ZBTB7C: variants seen among roughly 807,000 people sequenced by gnomAD.
ZBTB7C encodes zinc finger and BTB domain-containing protein 7C.
Under a neutral mutation model 25.7 loss-of-function variants are expected in ZBTB7C, and 8 were observed. The ratio of observed to expected loss-of-function variants is 0.31; its 90% CI spans 0.18 to 0.56. ZBTB7C has a LOEUF of 0.56. ZBTB7C is among the 20% of genes least tolerant of loss of function. The pLI is 0.91. For synonymous variants in ZBTB7C, 394 were observed against 369.0 expected, an observed-to-expected ratio of 1.07 and a Z score of -0.78; for missense variants, 824 against 855.2, an observed-to-expected ratio of 0.96 and a Z score of 0.46.
At chr18:48,126,004 G>A (rs1391904265) in intron 3 of ZBTB7C, among the ~76,000 whole-genome samples, 1 of 152,234 alleles carries the variant, frequency 6.6e-6, no homozygotes. Flanking sequence ...GCACCGTGCA[G>A]TCAGGCTCCC....
chr18:48,053,038 C>T (rs146920212), intron 3 of ZBTB7C, among the ~76,000 whole-genome samples: 174 of 152,254 alleles, frequency 1.1e-3, no homozygotes, highest in African/African-American at 4.1e-3. Context: ...TGTGAACACA[C>T]GTTGGACTTT....
intron 1 of ZBTB7C, among the ~76,000 whole-genome samples, chr18:48,389,249 G>GTA: frequency 6.9e-6 from 1 of 144,608 alleles, no homozygotes. Context: ...GTGTGTGTGT[G>GTA]TGTGTGTGTG....
chr18:48,028,997 A>C lies in ZBTB7C; in HGVS notation c.*263T>G. 2.1e-6 allele frequency: 1 copy of C among 474,596 alleles called. No homozygotes were observed. Among genetic ancestry groups the C allele is most frequent in the Non-Finnish European group, 3.6e-6 (1 of 276,408 alleles). The allele number at this position is 474,596 out of a possible 1,614,324, so 29.4% of individuals were successfully genotyped here. A position where few individuals can be genotyped will look rare whatever the true frequency, so the allele number is the denominator to read the frequency against. ...AGTTCTTTGTGGCATGGGCCGGTGCAAGTTTCTATATGAGAGCCAGAGAGA... is the reference window on the plus strand; with the variant it reads ...AGTTCTTTGTGGCATGGGCCGGTGCCAGTTTCTATATGAGAGCCAGAGAGA... On this transcript the variant is annotated 3_prime_UTR_variant, in exon 5 of 5. Coordinates refer to ENST00000590800, the MANE Select transcript of ZBTB7C (RefSeq NM_001318841.2).
rs981263085 is a variant in ZBTB7C at position 48,231,852 on chromosome 18, T to C, written c.-78-45857A>G. ...CTCTGCGGTTCCAGGCACCACCAAG[T>C]TCCCCAGTGCCAGCCATGTAAGCTT... On this transcript the variant is annotated intron_variant, in intron 2 of 4. Coordinates refer to ENST00000590800, the MANE Select transcript of ZBTB7C (RefSeq NM_001318841.2). 1.6e-3 allele frequency among the ~76,000 whole-genome samples: 249 copies of C among 152,282 alleles called. 2 individuals are homozygous for C. Among genetic ancestry groups the C allele is most frequent in the Non-Finnish European group, 6.5e-4 (44 of 67,998 alleles).
chr18:48,133,410 T>C (rs1232063644), intron 3 of ZBTB7C, among the ~76,000 whole-genome samples: 2 of 152,186 alleles, frequency 1.3e-5, no homozygotes, highest in East Asian at 1.9e-4. Context: ...AGGATCAAGA[T>C]GTACAGTGGG....
chr18:48,072,964 T>C (rs1310737565), intron 3 of ZBTB7C, among the ~76,000 whole-genome samples: 1 of 152,126 alleles, frequency 6.6e-6, no homozygotes, highest in Non-Finnish European at 1.5e-5. Flanking sequence ...CACTCTCCCT[T>C]AGGATGACCT....
chr18:48,379,649 G>T lies in ZBTB7C; in HGVS notation c.-304+29577C>A, dbSNP rs530106357. ...GACTTTATTAAAATAAAAACCTTCA[G>T]ATCTATGAAAGACACTGGTAAGAGA... On this transcript the variant is annotated intron_variant, in intron 1 of 4. Coordinates refer to ENST00000590800, the MANE Select transcript of ZBTB7C (RefSeq NM_001318841.2). Among the ~76,000 whole-genome samples, 31 of 152,142 alleles carry T rather than the reference G, an allele frequency of 2.0e-4. No individual in the cohort carries two copies. In the South Asian group the frequency reaches 3.9e-3, roughly 19 times the overall value.
In ZBTB7C at chr18:48,029,920, CA is replaced by C. The variant is rs1568156915; in HGVS notation, c.1209-10del. On this transcript the variant is annotated splice_polypyrimidine_tract_variant and intron_variant, in intron 4 of 4. Coordinates refer to ENST00000590800, the MANE Select transcript of ZBTB7C (RefSeq NM_001318841.2). ...TTTTCAGCTTGTCCTGCCTGCAATGCAGAGACTGGGGGTCAGTCCCGCAGGG... is the reference window on the plus strand; with the variant it reads ...TTTTCAGCTTGTCCTGCCTGCAATGCGAGACTGGGGGTCAGTCCCGCAGGG... 6.2e-7 allele frequency: 1 copy of C among 1,610,248 alleles called. No individual in the cohort carries two copies. The highest frequency in any genetic ancestry group is 1.7e-5 in the Admixed American group (1 of 60,026).
At chr18:48,203,845 C>T (rs893695252) in intron 2 of ZBTB7C, among the ~76,000 whole-genome samples, 2 of 152,148 alleles carry the variant, frequency 1.3e-5, no homozygotes, top group Non-Finnish European at 2.9e-5. Context: ...GTGCAGGCAG[C>T]CCCCCACCCC....
chr18:48,136,609 C>T (rs1290164467), intron 3 of ZBTB7C, among the ~76,000 whole-genome samples: 1 of 152,244 alleles, frequency 6.6e-6, no homozygotes, highest in African/African-American at 2.4e-5. Context: ...CCGCAACTCC[C>T]TCTCGGAGTG....
chr18:48,115,898 C>A (rs1479064016), intron 3 of ZBTB7C, among the ~76,000 whole-genome samples: 1 of 151,904 alleles, frequency 6.6e-6, no homozygotes. Context: ...GAAGAAAGGG[C>A]GGGGCATACC....
intron 2 of ZBTB7C, among the ~76,000 whole-genome samples, chr18:48,205,017 T>G (rs1402388655): frequency 6.6e-6 from 1 of 152,040 alleles, no homozygotes; most frequent in Non-Finnish European, 1.5e-5. Context: ...GGAGCAATCT[T>G]GAGGGGGGTT....
At chr18:48,030,052 C>T in intron 4 of ZBTB7C, 141 bp from the exon 5 acceptor site, 1 of 1,064,374 alleles carries the variant, frequency 9.4e-7, no homozygotes. Context: ...CATGCTAGAT[C>T]TACCCTCAAC....
chr18:48,230,982 G>T (rs2043236337), intron 2 of ZBTB7C, among the ~76,000 whole-genome samples: 1 of 152,194 alleles, frequency 6.6e-6, no homozygotes, highest in African/African-American at 2.4e-5. Flanking sequence ...TGACACACCA[G>T]ACCCCTGCTG....
chr18:48,045,126 G>T (rs1180948872), intron 3 of ZBTB7C, among the ~76,000 whole-genome samples: 2 of 152,222 alleles, frequency 1.3e-5, no homozygotes, highest in Non-Finnish European at 2.9e-5. Flanking sequence ...GTGGTGGAGG[G>T]AGGGAAGGAT....
rs71165324 is a variant in ZBTB7C, at chr18:48,395,461, A to ATGTGTGTGTG, written c.-304+13755_-304+13764dup. On this transcript the variant is annotated intron_variant, in intron 1 of 4. Coordinates refer to ENST00000590800, the MANE Select transcript of ZBTB7C (RefSeq NM_001318841.2). Reference sequence around the variant, plus strand: ...ATGTGTGCATGTGTGTTCTATTCAAATGTGTGTGTGTGTGTGTGTGTGTGT... The same window carrying ATGTGTGTGTG: ...ATGTGTGCATGTGTGTTCTATTCAAATGTGTGTGTGTGTGTGTGTGTGTGTGTGTGTGTGT... 4.4e-4 allele frequency among the ~76,000 whole-genome samples: 37 copies of ATGTGTGTGTG among 83,574 alleles called. 1 individual carries two copies. The highest frequency in any genetic ancestry group is 1.4e-3 in the South Asian group (3 of 2,088). The allele number at this position is 83,574 out of a possible 152,430, so 54.8% of individuals were successfully genotyped here.
intron 2 of ZBTB7C, among the ~76,000 whole-genome samples, chr18:48,251,184 A>G (rs1402895681): frequency 6.6e-6 from 1 of 152,186 alleles, no homozygotes; most frequent in East Asian, 1.9e-4. Flanking sequence ...TGATTACACC[A>G]CTGCATTCCA....
Position 48,082,965 on chromosome 18 carries a change from C to T in ZBTB7C, c.-16-41842G>A, listed in dbSNP as rs537146927. ...TGGTTGATTTTGGACAAGTGGCTTT[C>T]CCTCTCTGTACCTCAGTGTTCTTAA... On this transcript the variant is annotated intron_variant, in intron 3 of 4. Coordinates refer to ENST00000590800, the MANE Select transcript of ZBTB7C (RefSeq NM_001318841.2). 2.7e-3 allele frequency among the ~76,000 whole-genome samples: 407 copies of T among 152,244 alleles called. 2 individuals carry two copies. Among genetic ancestry groups the T allele is most frequent in the Non-Finnish European group, 3.8e-3 (258 of 68,028 alleles).
chr18:48,085,854 G>A (rs1180076180), intron 3 of ZBTB7C, among the ~76,000 whole-genome samples: 2 of 152,080 alleles, frequency 1.3e-5, no homozygotes, highest in South Asian at 4.2e-4. Flanking sequence ...CCTGGCTCCA[G>A]CAGCAGATTC....
Sources: allele counts gnomAD v4.1 joint callset (sites outside exome capture counted in the v4.1 genomes callset), GRCh38; gene constraint gnomAD v4.1.1; transcripts MANE v1.5; gene names NCBI Gene and HGNC (gene_info 2026-07-23, HGNC 2026-07-21).